The following CDH18 variants were observed in gnomAD, a reference collection of about 807,000 sequenced individuals.
The protein encoded by CDH18 is cadherin-18.
A neutral mutation model predicts 67.9 loss-of-function variants in CDH18; 31 were observed. The ratio of observed to expected loss-of-function variants is 0.46; its 90% CI spans 0.34 to 0.62. The LOEUF (loss-of-function observed/expected upper bound fraction) is 0.62. Among genes scored for constraint, CDH18 ranks in the 20% least tolerant of loss-of-function variants. CDH18 has a pLI of 0.01. For missense variants in CDH18, 890 were observed against 975.5 expected (o/e 0.91, Z 1.17); for synonymous variants, 362 against 347.2 (o/e 1.04, Z -0.48).
chr5:20,195,687 A>G (rs1738917973), intron 2 of CDH18, among the ~76,000 whole-genome samples: 1 of 152,084 alleles, frequency 6.6e-6, no homozygotes, highest in African/African-American at 2.4e-5. Flanking sequence ...ACAAAATATG[A>G]TATACTTTTA....
chr5:19,745,782 G>A (rs1459160035), intron 4 of CDH18, among the ~76,000 whole-genome samples: 1 of 152,054 alleles, frequency 6.6e-6, no homozygotes, highest in African/African-American at 2.4e-5. Flanking sequence ...TAAGGAAGAA[G>A]ACCTCACTCT....
intron 1 of CDH18, among the ~76,000 whole-genome samples, chr5:20,501,308 A>C (rs1440584364): frequency 6.6e-6 from 1 of 150,992 alleles, no homozygotes; most frequent in Non-Finnish European, 1.5e-5. Flanking sequence ...ACGTTATTAC[A>C]CTAACAAATA....
chr5:19,991,319 T>C (rs77810878), upstream of CDH18, among the ~76,000 whole-genome samples: 1,741 of 152,294 alleles, frequency 0.011, 43 homozygotes, highest in African/African-American at 0.04. Context: ...ATTAACAGCT[T>C]TATTGAGATA....
Position 20,334,131 on chromosome 5 carries a change from C to CTTTT in CDH18, c.-579-78630_-579-78627dup, listed in dbSNP as rs34609844. Among the ~76,000 whole-genome samples, 27 of 81,630 alleles carry CTTTT rather than the reference C, an allele frequency of 3.3e-4. 3 individuals carry two copies. Among genetic ancestry groups the CTTTT allele is most frequent in the African/African-American group, 1.3e-3 (24 of 19,186 alleles). 53.6% of individuals were successfully genotyped at this position (81,630 alleles called of 152,430 possible). A position where few individuals can be genotyped will look rare whatever the true frequency, so the allele number is the denominator to read the frequency against. On this transcript the variant is annotated intron_variant, in intron 1 of 14. Transcript: ENST00000507958. Reference sequence around the variant, plus strand: ...TAAATGTATAAATCTGACTTGAATTCTTTTTTTTTTTTTTTTTTTTTGAGA... The same window carrying CTTTT: ...TAAATGTATAAATCTGACTTGAATTCTTTTTTTTTTTTTTTTTTTTTTTTTGAGA...
chr5:20,342,195 T>C (rs137924136), intron 1 of CDH18, among the ~76,000 whole-genome samples: 1,916 of 152,196 alleles, frequency 0.013, 20 homozygotes, highest in Middle Eastern at 0.027. Context: ...AGGGTATTGA[T>C]TGGAAAAGAA....
intron 1 of CDH18, among the ~76,000 whole-genome samples, chr5:20,563,353 A>G (rs1313873744): frequency 6.6e-6 from 1 of 152,098 alleles, no homozygotes; most frequent in East Asian, 1.9e-4. Context: ...TTCTTGTGTG[A>G]TCAGCATTTT....
At position 20,487,545 on chromosome 5, in the gene CDH18, A is replaced by G. The variant is rs529018484; in HGVS notation, c.-580+87917T>C. Among the ~76,000 whole-genome samples, 3 of 151,032 alleles carry G rather than the reference A, an allele frequency of 2.0e-5. No individual in the cohort carries two copies. In the South Asian group the frequency reaches 6.2e-4, roughly 31 times the overall value. On this transcript the variant is annotated intron_variant, in intron 1 of 14. Coordinates refer to the CDH18 transcript ENST00000507958. ...CATATATCTATCTATTTCAGGTACA[A>G]CTTATTATATGTTCATAAAATATCA...
intron 2 of CDH18, among the ~76,000 whole-genome samples, chr5:19,883,875 G>A (rs577585608): frequency 6.6e-5 from 10 of 151,998 alleles, no homozygotes; most frequent in African/African-American, 2.4e-4. Context: ...TTAGTATAAT[G>A]CTAATATATA....
chr5:19,941,728 A>G (rs1794836895), intron 2 of CDH18, among the ~76,000 whole-genome samples: 1 of 152,064 alleles, frequency 6.6e-6, no homozygotes, highest in African/African-American at 2.4e-5. Flanking sequence ...TGAAGGCTGC[A>G]ATGTGCCGTG....
intron 1 of CDH18, among the ~76,000 whole-genome samples, chr5:20,297,094 A>T (rs1328851698): frequency 1.3e-5 from 2 of 152,140 alleles, no homozygotes; most frequent in Admixed American, 1.3e-4. Context: ...AATACTTAAC[A>T]TATATTTAAA....
chr5:20,172,220 A>ATATATG (rs1481915844), intron 2 of CDH18, among the ~76,000 whole-genome samples: 5 of 79,482 alleles, frequency 6.3e-5, no homozygotes, highest in African/African-American at 2.2e-4. Context: ...ATATATATAT[A>ATATATG]TATGTATATA....
chr5:20,204,777 G>GT (rs982209617), intron 2 of CDH18, among the ~76,000 whole-genome samples: 11 of 150,282 alleles, frequency 7.3e-5, no homozygotes, highest in Non-Finnish European at 1.2e-4. Context: ...AGTGTAAAGG[G>GT]TTTTTTTTTC....
chr5:20,123,584 T>A, intron 2 of CDH18, among the ~76,000 whole-genome samples: 1 of 152,206 alleles, frequency 6.6e-6, no homozygotes, highest in South Asian at 2.1e-4. Flanking sequence ...AAACGTTCCA[T>A]TAAAGAATTT....
intron 1 of CDH18, among the ~76,000 whole-genome samples, chr5:20,441,049 T>A (rs1749565946): frequency 6.6e-6 from 1 of 151,856 alleles, no homozygotes; most frequent in Non-Finnish European, 1.5e-5. Flanking sequence ...TCATAAGATT[T>A]CACCATGCCG....
At chr5:19,923,881 T>A (rs1280725072) in intron 2 of CDH18, among the ~76,000 whole-genome samples, 4 of 152,206 alleles carry the variant, frequency 2.6e-5, no homozygotes. Flanking sequence ...TGCCTAAAGC[T>A]GTTGTTCACC....
chr5:20,186,789 C>T (rs115890459), intron 2 of CDH18, among the ~76,000 whole-genome samples: 301 of 151,894 alleles, frequency 2.0e-3, no homozygotes, highest in African/African-American at 6.8e-3. Context: ...GAAATTCTTC[C>T]AGGTATATAT....
chr5:19,890,904 C>A (rs1362072185), intron 2 of CDH18, among the ~76,000 whole-genome samples: 1 of 152,036 alleles, frequency 6.6e-6, no homozygotes, highest in Non-Finnish European at 1.5e-5. Context: ...CGTAGAAAAC[C>A]AATTTAAAAC....
chr5:20,224,282 T>C (rs1741440595), intron 2 of CDH18, among the ~76,000 whole-genome samples: 1 of 152,108 alleles, frequency 6.6e-6, no homozygotes, highest in African/African-American at 2.4e-5. Context: ...GCTCATATTT[T>C]TCATGATAAT....
In CDH18 at chr5:20,266,691, G is replaced by A. The variant is rs970808634; in HGVS notation, c.-579-11186C>T. On this transcript the variant is annotated intron_variant, in intron 1 of 14. Transcript: ENST00000507958. ...GATCCACCCAACTCGGCCTCCTAGC[G>A]TGCTGGGATTACAGGCGTGAGTCAC... Among the ~76,000 whole-genome samples the A allele has an allele frequency of 2.4e-4, 36 of 148,226 alleles. 1 individual carries two copies. The highest frequency in any genetic ancestry group is 6.3e-4 in the Admixed American group (9 of 14,348).
Sources: allele counts gnomAD v4.1 joint callset (sites outside exome capture counted in the v4.1 genomes callset), GRCh38; gene constraint gnomAD v4.1.1; transcripts MANE v1.5; gene names NCBI Gene and HGNC (gene_info 2026-07-23, HGNC 2026-07-21).